The following BCR variants were observed in gnomAD, a reference collection of about 807,000 sequenced individuals.
The protein encoded by BCR is breakpoint cluster region protein.
BCR carries 58 observed loss-of-function variants against 138.6 expected under a neutral mutation model. That is an observed-to-expected ratio of 0.42 (90% CI 0.34 to 0.52). BCR has a LOEUF of 0.52. Among genes scored for constraint, BCR ranks in the 20% least tolerant of loss-of-function variants. The pLI is 0.06. For synonymous variants in BCR, 786 were observed against 730.1 expected (o/e 1.08, Z -1.23); for missense variants, 1,599 against 1,727.2 (o/e 0.93, Z 1.32).
rs1408590008 is a variant in BCR, at chr22:23,311,945, T to G, written c.3322+109T>G. On this transcript the variant is annotated intron_variant, in intron 19 of 22. Coordinates refer to ENST00000305877, the MANE Select transcript of BCR (RefSeq NM_004327.4). ...CATGTCACATCCTTCTCTGTGTCTTTTCTTCATTTACTGTGTTATTATTTT... is the reference window on the plus strand; with the variant it reads ...CATGTCACATCCTTCTCTGTGTCTTGTCTTCATTTACTGTGTTATTATTTT... The G allele has an allele frequency of 2.7e-6, 4 of 1,485,508 alleles. No individual in the cohort carries two copies. In the African/African-American group the frequency reaches 4.2e-5, roughly 16 times the overall value. 92.0% of individuals were successfully genotyped at this position (1,485,508 alleles called of 1,614,324 possible).
chr22:23,308,566 A>G (rs1297244867), intron 16 of BCR, among the ~76,000 whole-genome samples: 2 of 152,000 alleles, frequency 1.3e-5, no homozygotes, highest in African/African-American at 4.8e-5. Context: ...CAGCCTCTCA[A>G]AGTGCTGGGA....
intron 6 of BCR, among the ~76,000 whole-genome samples, chr22:23,272,742 C>G (rs2073523821): frequency 6.6e-6 from 1 of 152,154 alleles, no homozygotes; most frequent in Admixed American, 6.5e-5. Context: ...AGGTCTCCCT[C>G]CAGAATTGGG....
At chr22:23,191,791 C>T (rs1403070278) in intron 1 of BCR, among the ~76,000 whole-genome samples, 1 of 152,192 alleles carries the variant, frequency 6.6e-6, no homozygotes, top group Non-Finnish European at 1.5e-5. Context: ...GGCCCAACCC[C>T]GCTTAATCAT....
chr22:23,232,044 A>G (rs1448748091), intron 1 of BCR, among the ~76,000 whole-genome samples: 1 of 152,118 alleles, frequency 6.6e-6, no homozygotes, highest in Non-Finnish European at 1.5e-5. Flanking sequence ...CTTGCTCTCC[A>G]TGTAGTAACT....
At chr22:23,272,149 A>C (rs563305474) in intron 6 of BCR, among the ~76,000 whole-genome samples, 1 of 152,210 alleles carries the variant, frequency 6.6e-6, no homozygotes, top group African/African-American at 2.4e-5. Flanking sequence ...GTTTTTGCCA[A>C]TGACAAGTTT....
chr22:23,307,020 A>G (rs1476268676), intron 16 of BCR, among the ~76,000 whole-genome samples: 3 of 152,102 alleles, frequency 2.0e-5, no homozygotes, highest in African/African-American at 7.2e-5. Flanking sequence ...TCAAGGGGAG[A>G]GGGGCCCAGT....
chr22:23,227,576 C>CTT (rs1483002313), intron 1 of BCR, among the ~76,000 whole-genome samples: 1 of 152,242 alleles, frequency 6.6e-6, no homozygotes, highest in Non-Finnish European at 1.5e-5. Context: ...ATTTGTAAGT[C>CTT]TATTTTCAGC....
chr22:23,182,120 A>C lies in BCR; in HGVS notation c.1160A>C (p.Gln387Pro), dbSNP rs750090348. Residue 387 changes from glutamine to proline, a missense_variant, in exon 1 of 23, where the codon CAG becomes CCG. Physicochemically the swap from Gln to Pro is moderately conservative, Grantham distance 76. Around this residue, in one of 4 missense-constraint regions of BCR, gnomAD observed 806 missense variants for 635.0 expected, o/e 1.27. Transcript: ENST00000305877. The stretch of plus-strand genomic sequence containing the variant: ...GACAGCAGCAGTCCCCCCACGCCGC[A>C]GTGCCATAAGCGGCACCGGCACTGC... ...SFDSSSPPTPQCHKRHRHCPV... is the reference protein window; with the variant it reads ...SFDSSSPPTPPCHKRHRHCPV... 1 of 1,611,932 alleles carries C rather than the reference A, an allele frequency of 6.2e-7. No individual in the cohort carries two copies.
intron 7 of BCR, 132 bp downstream of exon 7, chr22:23,273,265 A>G (rs750545933): frequency 1.1e-5 from 11 of 1,005,460 alleles, no homozygotes; most frequent in Non-Finnish European, 1.3e-5. Flanking sequence ...TAATGGGTAG[A>G]GGCCTGGGGT....
intron 10 of BCR, among the ~76,000 whole-genome samples, chr22:23,286,352 A>G (rs549807286): frequency 3.5e-4 from 54 of 152,322 alleles, no homozygotes; most frequent in African/African-American, 1.3e-3. Flanking sequence ...GGTAGGGTGG[A>G]CGCAGCAGGA....
chr22:23,317,837 C>A lies in BCR; in HGVS notation c.*2315C>A, dbSNP rs1204028519. 1 of 133,662 alleles carries A rather than the reference C, an allele frequency of 7.5e-6. No individual in the cohort carries two copies. The highest frequency in any genetic ancestry group is 3.1e-5 in the African/African-American group (1 of 32,154). 8.3% of individuals were successfully genotyped at this position (133,662 alleles called of 1,614,324 possible). ...CTCCTTCTGCAATGCAGGCGAAGGC[C>A]TAGATGCCAGTGTGACCTCCCACAA... On this transcript the variant is annotated 3_prime_UTR_variant, in exon 23 of 23. Transcript: ENST00000305877.
chr22:23,249,553 C>T (rs1163385535), intron 1 of BCR, among the ~76,000 whole-genome samples: 1 of 152,140 alleles, frequency 6.6e-6, no homozygotes, highest in African/African-American at 2.4e-5. Context: ...CTCCACTGCA[C>T]TTCAGCCTGG....
In BCR at chr22:23,235,021, G is replaced by T. The variant is rs925063056; in HGVS notation, c.1280-18778G>T. ...TCTTGATTTCTCAGCCACAGTGAGGGTGAAAACCAGGGTCAGCTCGAGACT... is the reference window on the plus strand; with the variant it reads ...TCTTGATTTCTCAGCCACAGTGAGGTTGAAAACCAGGGTCAGCTCGAGACT... On this transcript the variant is annotated intron_variant, in intron 1 of 22. Coordinates refer to ENST00000305877, the MANE Select transcript of BCR (RefSeq NM_004327.4). Among the ~76,000 whole-genome samples, 4 of 144,202 alleles carry T rather than the reference G, an allele frequency of 2.8e-5. 1 individual carries two copies. The highest frequency in any genetic ancestry group is 6.3e-5 in the Non-Finnish European group (4 of 63,348). The allele number at this position is 144,202 out of a possible 152,430, so 94.6% of individuals were successfully genotyped here. A position where few individuals can be genotyped will look rare whatever the true frequency, so the allele number is the denominator to read the frequency against.
chr22:23,290,697 G>A (rs1192515903), intron 14 of BCR: 1 of 436,934 alleles, frequency 2.3e-6, no homozygotes, highest in Non-Finnish European at 4.3e-6. Flanking sequence ...GTTTGGCAAG[G>A]ACTTTGACAG....
intron 1 of BCR, among the ~76,000 whole-genome samples, chr22:23,195,022 A>T (rs912705228): frequency 1.3e-5 from 2 of 152,006 alleles, no homozygotes; most frequent in African/African-American, 2.4e-5. Context: ...CATGCCTGTA[A>T]TCCCAACACT....
intron 16 of BCR, among the ~76,000 whole-genome samples, chr22:23,305,916 C>T (rs966626076): frequency 6.6e-6 from 1 of 152,188 alleles, no homozygotes. Flanking sequence ...CCCCCTTGGT[C>T]ATCTGTTTTT....
chr22:23,260,362 G>T (rs2073342742), intron 2 of BCR, among the ~76,000 whole-genome samples: 1 of 152,242 alleles, frequency 6.6e-6, no homozygotes, highest in Non-Finnish European at 1.5e-5. Context: ...CACAGGCCTT[G>T]AGCCCCAGGG....
At chr22:23,201,501 A>G (rs1037588040) in intron 1 of BCR, among the ~76,000 whole-genome samples, 2 of 152,064 alleles carry the variant, frequency 1.3e-5, no homozygotes, top group African/African-American at 4.8e-5. Flanking sequence ...TCTGTTCCCC[A>G]GGCTGGAGTG....
intron 16 of BCR, among the ~76,000 whole-genome samples, chr22:23,304,485 A>G (rs1394377733): frequency 2.0e-5 from 3 of 152,122 alleles, no homozygotes; most frequent in Admixed American, 1.3e-4. Context: ...TTACTATTTG[A>G]CAGACACTTG....
Sources: gnomAD v4.1 joint callset for allele counts (sites outside exome capture counted in the v4.1 genomes callset) on GRCh38, gnomAD v4.1.1 for gene constraint, gnomAD v4.1.1 regional missense constraint, MANE v1.5 for transcripts, NCBI Gene and HGNC (gene_info 2026-07-23, HGNC 2026-07-21) for gene names.